DCAF17: variants seen among roughly 807,000 people sequenced by gnomAD.
The protein encoded by DCAF17 is DDB1 and CUL4 associated factor 17, also known as DDB1- and CUL4-associated factor 17.
Under a neutral mutation model 66.0 loss-of-function variants are expected in DCAF17, and 48 were observed. The observed-to-expected ratio is 0.73, with a 90% CI of 0.58 to 0.92. The LOEUF (loss-of-function observed/expected upper bound fraction) is 0.92, where lower values mean the gene tolerates loss of function less well. Among genes scored for constraint, DCAF17 ranks in the 40% least tolerant of loss-of-function variants. The probability of loss-of-function intolerance (pLI) is 0.00; values close to 1 mark genes in which losing one functional copy is unlikely to be tolerated. For synonymous variants in DCAF17, 206 were observed against 214.6 expected, an observed-to-expected ratio of 0.96 and a Z score of 0.35; for missense variants, 562 against 622.8, an observed-to-expected ratio of 0.90 and a Z score of 1.04.
At chr2:171,443,352 T>A (rs1694425146) in intron 2 of DCAF17, 171 bp from the exon 3 acceptor site, 4 of 551,942 alleles carry the variant, frequency 7.2e-6, no homozygotes, top group African/African-American at 1.9e-5. Context: ...ATCTTGTTTT[T>A]TTTTATATGA....
intron 9 of DCAF17, among the ~76,000 whole-genome samples, chr2:171,471,150 A>G (rs984726719): frequency 4.6e-5 from 7 of 152,196 alleles, no homozygotes. Flanking sequence ...ATATTTCAGC[A>G]TACTCTTAAA....
intron 6 of DCAF17, among the ~76,000 whole-genome samples, chr2:171,453,840 G>A (rs1343441091): frequency 6.6e-6 from 1 of 152,160 alleles, no homozygotes; most frequent in African/African-American, 2.4e-5. Flanking sequence ...AGCACCTGAA[G>A]TATTGTAGAG....
chr2:171,452,456 A>G (rs747141943), intron 5 of DCAF17, among the ~76,000 whole-genome samples: 1 of 151,986 alleles, frequency 6.6e-6, no homozygotes, highest in Non-Finnish European at 1.5e-5. Context: ...CACTACTTTC[A>G]TTATATATTT....
At chr2:171,475,120 C>T (rs1696436895) in intron 10 of DCAF17, among the ~76,000 whole-genome samples, 2 of 152,194 alleles carry the variant, frequency 1.3e-5, no homozygotes, top group Admixed American at 1.3e-4. Context: ...GCTGTCTTTT[C>T]AGAAAACTGA....
rs79037488 is a variant in DCAF17, at chr2:171,452,498, G to C, written c.538-626G>C. On this transcript the variant is annotated intron_variant, in intron 5 of 13. Transcript: ENST00000375255. ...TTAGAGACAGCATGTCTGATGCCCA[G>C]GCTGGAGTGCAATGGCTTGATCAGA... Among the ~76,000 whole-genome samples the C allele has an allele frequency of 2.6e-5, 4 of 152,306 alleles. No individual in the cohort carries two copies. In the East Asian group the frequency reaches 5.8e-4, roughly 22 times the overall value.
chr2:171,450,801 C>T (rs1429030194), intron 5 of DCAF17, among the ~76,000 whole-genome samples: 1 of 152,110 alleles, frequency 6.6e-6, no homozygotes, highest in Non-Finnish European at 1.5e-5. Context: ...CCTGTATTTA[C>T]TAATTTGATC....
intron 3 of DCAF17, among the ~76,000 whole-genome samples, chr2:171,447,140 A>G (rs1388739969): frequency 6.6e-6 from 1 of 151,522 alleles, no homozygotes; most frequent in Non-Finnish European, 1.5e-5. Flanking sequence ...AGTTTTTTGT[A>G]TTGTTTTAGT....
At chr2:171,449,744 A>G in intron 4 of DCAF17, 135 bp from the exon 5 acceptor site, 1 of 568,888 alleles carries the variant, frequency 1.8e-6, no homozygotes, top group Non-Finnish European at 2.9e-6. Context: ...TTAGCTATTT[A>G]TTTTTTAAAA....
intron 12 of DCAF17, 130 bp downstream of exon 12, chr2:171,478,200 G>A (rs942523629): frequency 3.4e-5 from 26 of 757,242 alleles, no homozygotes; most frequent in East Asian, 1.6e-4. Flanking sequence ...GTTGGGTGGG[G>A]TTGCGCATGC....
In DCAF17 at chr2:171,448,769, C is replaced by T. The variant is rs778868652; in HGVS notation, c.410C>T (p.Thr137Met). 4 of 1,612,786 alleles carry T rather than the reference C, an allele frequency of 2.5e-6. No individual in the cohort carries two copies. The highest frequency in any genetic ancestry group is 1.3e-5 in the African/African-American group (1 of 74,750). Residue 137 changes from threonine (T) to methionine (M), a missense_variant, in exon 4 of 14, where the codon ACG (threonine) becomes ATG (methionine). Thr to Met is a moderately conservative substitution (Grantham distance 81). Around this residue, in one of 3 missense-constraint regions of DCAF17, gnomAD observed 348 missense variants for 355.9 expected, o/e 0.98. Coordinates refer to ENST00000375255, the MANE Select transcript of DCAF17 (RefSeq NM_025000.4). ...TGGCTACTTCGTATATCAGCAACTA[C>T]GGGAAAAATCCTTGAGAAAATATAT... The part of the protein sequence containing the change: ...HNWLLRISAT[T>M]GKILEKIYLA...
chr2:171,456,129 G>A (rs1316208836), intron 6 of DCAF17, among the ~76,000 whole-genome samples: 1 of 151,994 alleles, frequency 6.6e-6, no homozygotes, highest in Non-Finnish European at 1.5e-5. Context: ...TATCTTCCAG[G>A]GTTTTTATAG....
In DCAF17 at chr2:171,483,403, T is replaced by TA; in HGVS notation, c.*2290dup. 1 of 454,110 alleles carries TA rather than the reference T, an allele frequency of 2.2e-6. No homozygotes were observed. Among genetic ancestry groups the TA allele is most frequent in the South Asian group, 1.6e-5 (1 of 64,474 alleles). 28.1% of individuals were successfully genotyped at this position (454,110 alleles called of 1,614,324 possible). A position where few individuals can be genotyped will look rare whatever the true frequency, so the allele number is the denominator to read the frequency against. ...AGCTTCCATCAGCAGGTACAGACGT[T>TA]ACGCTGAAAAGAGGTGCATTCTGCA... On this transcript the variant is annotated 3_prime_UTR_variant, in exon 14 of 14. Coordinates refer to ENST00000375255, the MANE Select transcript of DCAF17 (RefSeq NM_025000.4).
In DCAF17 at chr2:171,434,394, C is replaced by A. The variant is rs768839208; in HGVS notation, c.-184C>A. On this transcript the variant is annotated 5_prime_UTR_variant, in exon 1 of 14. Transcript: ENST00000375255. Reference sequence around the variant, plus strand: ...TCTCTCCGCGCTCTGGCGGTGCAAGCGGCTCTGCTTTCCCTCGCCCCGCCG... The same window carrying A: ...TCTCTCCGCGCTCTGGCGGTGCAAGAGGCTCTGCTTTCCCTCGCCCCGCCG... 6.8e-5 allele frequency: 68 copies of A among 1,005,218 alleles called. No homozygotes were observed. The highest frequency in any genetic ancestry group is 3.8e-4 in the South Asian group (28 of 73,028). The allele number at this position is 1,005,218 out of a possible 1,614,324, so 62.3% of individuals were successfully genotyped here.
In DCAF17 at chr2:171,434,621, G is replaced by T; in HGVS notation, c.44G>T (p.Arg15Leu). The T allele has an allele frequency of 2.0e-6, 3 of 1,531,280 alleles. No individual in the cohort carries two copies. The South Asian group carries it at 3.6e-5, about 18-fold the overall frequency. 94.9% of individuals were successfully genotyped at this position (1,531,280 alleles called of 1,614,324 possible). Residue 15 changes from arginine to leucine, a missense_variant, in exon 1 of 14, where the codon CGC (arginine) becomes CTC (leucine). Transcript: ENST00000375255. ...CCCAACGTGTGCAGCCGGCTGAGTC[G>T]CCGGGCGCTGGGCTGCTTCTCGCGC... is the stretch of plus-strand genomic sequence containing the variant. ...RKPNVCSRLSRRALGCFSRDA... is the reference protein window; with the variant it reads ...RKPNVCSRLSLRALGCFSRDA...
At chr2:171,440,493 T>G (rs1269617282) in intron 2 of DCAF17, among the ~76,000 whole-genome samples, 1 of 152,030 alleles carries the variant, frequency 6.6e-6, no homozygotes, top group East Asian at 1.9e-4. Context: ...GAGGATCGCT[T>G]GAGCCCAGGA....
chr2:171,435,777 AACAT>A (rs1479523211), intron 2 of DCAF17, among the ~76,000 whole-genome samples: 3 of 152,132 alleles, frequency 2.0e-5, no homozygotes, highest in East Asian at 3.8e-4. Context: ...GCATATTCTA[AACAT>A]ACATCAGTTT....
intron 2 of DCAF17, among the ~76,000 whole-genome samples, chr2:171,440,214 T>A (rs572833350): frequency 1.3e-5 from 2 of 152,334 alleles, no homozygotes; most frequent in African/African-American, 4.8e-5. Flanking sequence ...TTTTGTTTCT[T>A]CAAACTTTTG....
At chr2:171,449,526 G>C (rs1185925349) in intron 4 of DCAF17, among the ~76,000 whole-genome samples, 1 of 152,146 alleles carries the variant, frequency 6.6e-6, no homozygotes, top group Non-Finnish European at 1.5e-5. Context: ...GATGTAAATG[G>C]AGTGAATATG....
intron 8 of DCAF17, 47 bp downstream of exon 8, chr2:171,458,524 T>C (rs1273489336): frequency 2.1e-6 from 3 of 1,400,928 alleles, no homozygotes; most frequent in Non-Finnish European, 3.0e-6. Flanking sequence ...AATTAAGTGG[T>C]CATATAAATA....
Sources: gnomAD v4.1 joint callset for allele counts (sites outside exome capture counted in the v4.1 genomes callset) on GRCh38, gnomAD v4.1.1 for gene constraint, gnomAD v4.1.1 regional missense constraint, MANE v1.5 for transcripts, NCBI Gene and HGNC (gene_info 2026-07-23, HGNC 2026-07-21) for gene names.